The following APBB1IP variants were observed in gnomAD, a reference collection of about 807,000 sequenced individuals.
APBB1IP encodes the protein amyloid beta A4 precursor protein-binding family B member 1-interacting protein.
In APBB1IP, 27 loss-of-function variants were observed where a neutral mutation model predicts 64.9. That is an observed-to-expected ratio of 0.42 (90% confidence interval 0.31 to 0.57). The LOEUF (loss-of-function observed/expected upper bound fraction) is 0.57. Among genes scored for constraint, APBB1IP ranks in the 20% least tolerant of loss-of-function variants. APBB1IP has a pLI of 0.20. For synonymous variants in APBB1IP, 392 were observed against 331.0 expected (o/e 1.18, Z -2.00); for missense variants, 812 against 845.5 (o/e 0.96, Z 0.49).
At chr10:26,531,385 C>T (rs1268546902) in intron 8 of APBB1IP, among the ~76,000 whole-genome samples, 1 of 150,040 alleles carries the variant, frequency 6.7e-6, no homozygotes, top group African/African-American at 2.5e-5. Context: ...TTTAAGTTAG[C>T]AGCCAGGCGC....
chr10:26,500,151 T>C (rs1378257980), intron 4 of APBB1IP, among the ~76,000 whole-genome samples: 4 of 146,580 alleles, frequency 2.7e-5, no homozygotes, highest in Non-Finnish European at 3.0e-5. Context: ...GCAGAGATTG[T>C]AGTGAGCCAA....
intron 2 of APBB1IP, among the ~76,000 whole-genome samples, chr10:26,447,357 A>C (rs1835412170): frequency 7.0e-6 from 1 of 142,934 alleles, no homozygotes; most frequent in Admixed American, 7.0e-5. Flanking sequence ...CCTGGGTGAC[A>C]GAGTGAGACT....
Position 26,519,406 on chromosome 10 carries a change from G to A in APBB1IP, c.813+5746G>A, listed in dbSNP as rs549000136. On this transcript the variant is annotated intron_variant, in intron 8 of 14. Transcript: ENST00000376236. Reference sequence around the variant, plus strand: ...AGGAAACTTTCAATCATGGCAGAGGGTAAAGGGGAAGGAGAGTGAGCACCT... The same window carrying A: ...AGGAAACTTTCAATCATGGCAGAGGATAAAGGGGAAGGAGAGTGAGCACCT... Among the ~76,000 whole-genome samples the A allele has an allele frequency of 1.9e-3, 286 of 152,324 alleles. 1 individual carries two copies. Among genetic ancestry groups the A allele is most frequent in the African/African-American group, 6.4e-3 (268 of 41,578 alleles).
chr10:26,472,923 G>A (rs1349355243), intron 2 of APBB1IP, among the ~76,000 whole-genome samples: 1 of 138,500 alleles, frequency 7.2e-6, no homozygotes, highest in African/African-American at 2.9e-5. Context: ...GGCGACAGGG[G>A]GAGACTTCAT....
intron 14 of APBB1IP, among the ~76,000 whole-genome samples, chr10:26,563,642 T>A (rs1365002195): frequency 6.6e-6 from 1 of 152,218 alleles, no homozygotes; most frequent in Non-Finnish European, 1.5e-5. Flanking sequence ...TCTTGTGTGA[T>A]TCAAAACAAC....
intron 11 of APBB1IP, among the ~76,000 whole-genome samples, chr10:26,555,219 G>A (rs2132479669): frequency 6.6e-6 from 1 of 152,202 alleles, no homozygotes; most frequent in Admixed American, 6.5e-5. Context: ...ATAGCCCCCA[G>A]TGACTTCCTG....
intron 8 of APBB1IP, among the ~76,000 whole-genome samples, chr10:26,526,186 G>A (rs1054426359): frequency 5.3e-5 from 8 of 152,084 alleles, no homozygotes; most frequent in South Asian, 2.1e-4. Flanking sequence ...AATCATTCTG[G>A]TATTAACGTA....
chr10:26,493,782 A>G (rs10508719), intron 3 of APBB1IP, among the ~76,000 whole-genome samples: 12,007 of 152,200 alleles, frequency 0.079, 1,544 homozygotes, highest in African/African-American at 0.26. Context: ...GCGCTGAGCC[A>G]TTTCCCTGTG....
intron 14 of APBB1IP, among the ~76,000 whole-genome samples, chr10:26,563,067 C>A (rs1836994093): frequency 6.6e-6 from 1 of 152,108 alleles, no homozygotes; most frequent in Non-Finnish European, 1.5e-5. Flanking sequence ...AGTAGCACAT[C>A]CAAGTTTTAA....
chr10:26,461,477 A>C (rs1453358234), intron 2 of APBB1IP, among the ~76,000 whole-genome samples: 1 of 152,142 alleles, frequency 6.6e-6, no homozygotes, highest in Admixed American at 6.6e-5. Context: ...TAAATCCTGA[A>C]GTGCCAAATA....
intron 2 of APBB1IP, among the ~76,000 whole-genome samples, chr10:26,469,323 G>A (rs71499393): frequency 2.9e-5 from 4 of 137,396 alleles, no homozygotes; most frequent in Non-Finnish European, 6.1e-5. Context: ...GCAGTGGAGC[G>A]ATCTCAGCTC....
At chr10:26,461,459 T>C (rs1564351116) in intron 2 of APBB1IP, among the ~76,000 whole-genome samples, 1 of 152,208 alleles carries the variant, frequency 6.6e-6, no homozygotes, top group Non-Finnish European at 1.5e-5. Flanking sequence ...TCCGTTGGTT[T>C]ATTTATGTAA....
intron 2 of APBB1IP, among the ~76,000 whole-genome samples, chr10:26,478,461 G>A (rs914899720): frequency 6.6e-6 from 1 of 152,122 alleles, no homozygotes; most frequent in Admixed American, 6.5e-5. Context: ...CAAGGCAGGT[G>A]GTTCACTTGA....
At chr10:26,454,576 T>C (rs1165644698) in intron 2 of APBB1IP, among the ~76,000 whole-genome samples, 1 of 151,886 alleles carries the variant, frequency 6.6e-6, no homozygotes, top group African/African-American at 2.4e-5. Flanking sequence ...CTGGGAATGG[T>C]AGCTGGGGTG....
intron 4 of APBB1IP, among the ~76,000 whole-genome samples, chr10:26,498,143 T>TAA (rs1836051434): frequency 3.9e-5 from 6 of 152,146 alleles, no homozygotes; most frequent in Non-Finnish European, 8.8e-5. Flanking sequence ...TCCTACACTT[T>TAA]TTTTATTTGC....
intron 2 of APBB1IP, among the ~76,000 whole-genome samples, chr10:26,450,624 T>C (rs987610090): frequency 1.3e-5 from 2 of 152,302 alleles, no homozygotes; most frequent in Middle Eastern, 3.4e-3. Context: ...AACACTCCAC[T>C]ATGGCTGTGG....
At chr10:26,551,236 T>A (rs1333228275) in intron 11 of APBB1IP, among the ~76,000 whole-genome samples, 1 of 152,218 alleles carries the variant, frequency 6.6e-6, no homozygotes, top group Non-Finnish European at 1.5e-5. Flanking sequence ...TCAGCCCCGT[T>A]GGTACTTGGT....
intron 2 of APBB1IP, among the ~76,000 whole-genome samples, chr10:26,439,073 G>T (rs913688419): frequency 2.6e-5 from 4 of 152,200 alleles, no homozygotes; most frequent in African/African-American, 9.6e-5. Flanking sequence ...GAGGGTGGGG[G>T]TGTGAGGGTT....
intron 2 of APBB1IP, among the ~76,000 whole-genome samples, chr10:26,457,898 A>G (rs1835546133): frequency 1.3e-5 from 2 of 152,232 alleles, no homozygotes; most frequent in Admixed American, 6.5e-5. Flanking sequence ...AGCTACAATG[A>G]CTAAATTATT....
Sources: gnomAD v4.1 joint callset for allele counts (sites outside exome capture counted in the v4.1 genomes callset) on GRCh38, gnomAD v4.1.1 for gene constraint, MANE v1.5 for transcripts, NCBI Gene and HGNC (gene_info 2026-07-23, HGNC 2026-07-21) for gene names.